ZC3H12B: variants seen among roughly 807,000 people sequenced by gnomAD.
ZC3H12B encodes the protein zinc finger CCCH-type containing 12B, also known as probable ribonuclease ZC3H12B.
Under a neutral mutation model 43.9 loss-of-function variants are expected in ZC3H12B, and 7 were observed. That is an observed-to-expected ratio of 0.16 (90% confidence interval 0.09 to 0.30). The LOEUF (loss-of-function observed/expected upper bound fraction) is 0.30. Among genes scored for constraint, ZC3H12B ranks in the 10% least tolerant of loss-of-function variants. The pLI, the probability that ZC3H12B is intolerant of heterozygous loss-of-function variation, is 1.00. For missense variants in ZC3H12B, 475 were observed against 670.2 expected (o/e 0.71, Z 3.22); for synonymous variants, 222 against 241.7 (o/e 0.92, Z 0.76).
the ZC3H12B span, among the ~76,000 whole-genome samples, chrX:65,257,651 T>G: frequency 2.1e-4 from 23 of 108,580 alleles, no homozygotes; most frequent in Admixed American, 4.9e-4. Context: ...GATAGACTAA[T>G]AAATAAAAAA....
chrX:65,068,225 T>A, the ZC3H12B span, among the ~76,000 whole-genome samples: 1 of 109,769 alleles, frequency 9.1e-6, no homozygotes, highest in African/African-American at 3.3e-5. Flanking sequence ...TTTGTCCCTT[T>A]ACATTCAATG....
chrX:65,185,239 G>A, the ZC3H12B span: 20 of 111,794 alleles, frequency 1.8e-4, no homozygotes, highest in African/African-American at 5.5e-4. Flanking sequence ...GTGACTAACC[G>A]TACAGCTTGT....
chrX:65,149,348 ATTTC>A, the ZC3H12B span, among the ~76,000 whole-genome samples: 4 of 112,196 alleles, frequency 3.6e-5, no homozygotes, highest in African/African-American at 1.3e-4. Context: ...CTGTGCGCAG[ATTTC>A]TTTGTCAGTT....
intron 3 of ZC3H12B, among the ~76,000 whole-genome samples, chrX:65,451,385 C>A (rs768917990): frequency 8.9e-6 from 1 of 111,876 alleles, no homozygotes; most frequent in East Asian, 2.8e-4. Context: ...GCTTTGAATT[C>A]TTTGTCAGAT....
chrX:65,161,230 T>C, the ZC3H12B span, among the ~76,000 whole-genome samples: 1 of 111,605 alleles, frequency 9.0e-6, no homozygotes, highest in Non-Finnish European at 1.9e-5. Context: ...AAAAAAAATG[T>C]ATATTCTGTT....
the ZC3H12B span, among the ~76,000 whole-genome samples, chrX:65,083,284 A>G: frequency 8.9e-6 from 1 of 111,760 alleles, no homozygotes; most frequent in Admixed American, 9.5e-5. Context: ...AGAGAAAGAT[A>G]TAAAGGGCAT....
chrX:65,306,798 AG>A, the ZC3H12B span, among the ~76,000 whole-genome samples: 3 of 112,741 alleles, frequency 2.7e-5, no homozygotes, highest in African/African-American at 9.7e-5. Context: ...TGAGTGAATA[AG>A]AAAGGTGTTG....
chrX:65,064,446 A>G, the ZC3H12B span, among the ~76,000 whole-genome samples: 1 of 112,134 alleles, frequency 8.9e-6, no homozygotes, highest in Non-Finnish European at 1.9e-5. Flanking sequence ...TTCAGTTTCC[A>G]TGTAGTTGTG....
At chrX:65,461,338 C>T (rs1369496848) in intron 3 of ZC3H12B, among the ~76,000 whole-genome samples, 1 of 112,144 alleles carries the variant, frequency 8.9e-6, no homozygotes, top group Non-Finnish European at 1.9e-5. Context: ...TTTGATCCAG[C>T]CATCCCATTA....
At chrX:65,373,332 G>A (rs2066273583) in intron 2 of ZC3H12B, among the ~76,000 whole-genome samples, 1 of 111,841 alleles carries the variant, frequency 8.9e-6, no homozygotes, top group African/African-American at 3.3e-5. Flanking sequence ...AGACAGTGTG[G>A]TGATTCCTCA....
At chrX:65,143,013 AT>A in the ZC3H12B span, among the ~76,000 whole-genome samples, 153 of 105,915 alleles carry the variant, frequency 1.4e-3, no homozygotes, top group Middle Eastern at 4.7e-3. Context: ...AAATTTTAGA[AT>A]TTTTTTTTTT....
rs111812770 is a variant in ZC3H12B at position 65,449,066 on chromosome X, GGAAA to G, written n.408-39565_408-39562del. On this transcript the variant is annotated intron_variant and non_coding_transcript_variant, in intron 3 of 5. Coordinates refer to the ZC3H12B transcript ENST00000617377. Reference sequence around the variant, plus strand: ...AGGAAGGAAAGAAAGAAAGAAGGAAGGAAAGAAAGAAAGAAAGAGAAACAGAAAG... The same window carrying G: ...AGGAAGGAAAGAAAGAAAGAAGGAAGGAAAGAAAGAAAGAGAAACAGAAAG... 4.8e-3 allele frequency among the ~76,000 whole-genome samples: 506 copies of G among 105,222 alleles called. 4 individuals carry two copies. Among genetic ancestry groups the G allele is most frequent in the African/African-American group, 0.016 (441 of 28,287 alleles). 91.4% of individuals were successfully genotyped at this position (105,222 alleles called of 115,157 possible).
chrX:65,310,500 GACAA>G, the ZC3H12B span, among the ~76,000 whole-genome samples: 2 of 110,070 alleles, frequency 1.8e-5, no homozygotes, highest in African/African-American at 3.3e-5. Flanking sequence ...CGGAATAAAA[GACAA>G]ACAAATGGAA....
the ZC3H12B span, among the ~76,000 whole-genome samples, chrX:65,087,413 C>T: frequency 2.7e-5 from 3 of 112,014 alleles, no homozygotes; most frequent in Non-Finnish European, 3.8e-5. Context: ...GAGACTGGCA[C>T]GGGAGTTGAA....
the ZC3H12B span, among the ~76,000 whole-genome samples, chrX:65,096,453 A>G: frequency 2.7e-5 from 3 of 112,314 alleles, no homozygotes; most frequent in Middle Eastern, 9.2e-3. Flanking sequence ...ATAGATTAGT[A>G]ATGTAAGCAG....
the ZC3H12B span, among the ~76,000 whole-genome samples, chrX:65,083,312 A>G: frequency 8.9e-6 from 1 of 111,844 alleles, no homozygotes; most frequent in Non-Finnish European, 1.9e-5. Flanking sequence ...GGAATGGGAG[A>G]AATCAAATTA....
chrX:65,341,893 T>C, the ZC3H12B span, among the ~76,000 whole-genome samples: 2 of 111,113 alleles, frequency 1.8e-5, no homozygotes, highest in African/African-American at 3.3e-5. Flanking sequence ...ACAAGATAAA[T>C]TCCCCAATTA....
the ZC3H12B span, among the ~76,000 whole-genome samples, chrX:65,230,219 G>C: frequency 6.3e-5 from 7 of 111,350 alleles, no homozygotes; most frequent in Admixed American, 6.7e-4. Context: ...AAAATGATGA[G>C]TTCATGTCCT....
At chrX:65,264,493 C>T in the ZC3H12B span, among the ~76,000 whole-genome samples, 1 of 111,526 alleles carries the variant, frequency 9.0e-6, no homozygotes, top group South Asian at 3.7e-4. Context: ...AGAATTGACC[C>T]ATATCTCATT....
Sources: allele counts gnomAD v4.1 joint callset (sites outside exome capture counted in the v4.1 genomes callset), GRCh38; gene constraint gnomAD v4.1.1; transcripts MANE v1.5; gene names NCBI Gene and HGNC (gene_info 2026-07-23, HGNC 2026-07-21).